The following AKT3 variants were observed in gnomAD, a reference collection of about 807,000 sequenced individuals.
AKT3 encodes the protein RAC-gamma serine/threonine-protein kinase.
Under a neutral mutation model 65.3 loss-of-function variants are expected in AKT3, and 15 were observed. The observed-to-expected ratio is 0.23, with a 90% confidence interval of 0.15 to 0.35. AKT3 has a LOEUF of 0.35. AKT3 is among the 10% of genes least tolerant of loss of function. The pLI is 1.00. For missense variants in AKT3, 243 were observed against 576.5 expected (o/e 0.42, Z 5.92); for synonymous variants, 206 against 183.8 (o/e 1.12, Z -0.98).
chr1:243,648,607 A>AC (rs1461170388), intron 4 of AKT3, among the ~76,000 whole-genome samples: 1 of 151,898 alleles, frequency 6.6e-6, no homozygotes, highest in Non-Finnish European at 1.5e-5. Context: ...GTTGAGAAGT[A>AC]CTCCCTTCTC....
chr1:243,490,190 G>C (rs992256693), intron 13 of AKT3, among the ~76,000 whole-genome samples: 1 of 152,220 alleles, frequency 6.6e-6, no homozygotes, highest in Non-Finnish European at 1.5e-5. Context: ...TTCCCACTCG[G>C]TCCAAAATCC....
At chr1:243,696,114 G>C (rs1204039596) in intron 2 of AKT3, among the ~76,000 whole-genome samples, 1 of 150,074 alleles carries the variant, frequency 6.7e-6, no homozygotes, top group East Asian at 1.9e-4. Context: ...AGAGAGGCAA[G>C]AAATAGATGT....
intron 2 of AKT3, among the ~76,000 whole-genome samples, chr1:243,835,759 T>C (rs1185443669): frequency 6.6e-6 from 1 of 152,156 alleles, no homozygotes; most frequent in Non-Finnish European, 1.5e-5. Flanking sequence ...TGCATACTGT[T>C]AGTGGAATAT....
At chr1:243,650,851 T>C (rs544140692) in intron 4 of AKT3, among the ~76,000 whole-genome samples, 3 of 152,310 alleles carry the variant, frequency 2.0e-5, no homozygotes, top group Non-Finnish European at 4.4e-5. Context: ...CCTCCAGCTT[T>C]GTTCTTTTTG....
Position 243,620,442 on chromosome 1 carries a change from T to TAAAG in AKT3, c.562-5282_562-5281insCTTT, listed in dbSNP as rs1233897136. Among the ~76,000 whole-genome samples the TAAAG allele has an allele frequency of 1.7e-3, 263 of 150,998 alleles. 102 individuals carry two copies. The highest frequency in any genetic ancestry group is 2.6e-3 in the Non-Finnish European group (173 of 67,510). Reference sequence around the variant, plus strand: ...CCTGATGAGTAGTGATATGACACACTTTTACAAATTAAACAATGATTACCA... The same window carrying TAAAG: ...CCTGATGAGTAGTGATATGACACACTAAAGTTTACAAATTAAACAATGATTACCA... On this transcript the variant is annotated intron_variant, in intron 6 of 13. Coordinates refer to ENST00000673466, the MANE Select transcript of AKT3 (RefSeq NM_005465.7).
chr1:243,698,790 T>C (rs993742279), intron 2 of AKT3, among the ~76,000 whole-genome samples: 2 of 152,010 alleles, frequency 1.3e-5, no homozygotes, highest in Non-Finnish European at 2.9e-5. Context: ...CAGAAGTAGA[T>C]CTCAAACTTC....
At chr1:243,700,710 G>C (rs866301390) in intron 2 of AKT3, among the ~76,000 whole-genome samples, 1 of 152,008 alleles carries the variant, frequency 6.6e-6, no homozygotes, top group Non-Finnish European at 1.5e-5. Flanking sequence ...CACCATGTTG[G>C]CCAGGATGGT....
At chr1:243,736,628 T>C (rs1302663005) in intron 2 of AKT3, among the ~76,000 whole-genome samples, 1 of 152,106 alleles carries the variant, frequency 6.6e-6, no homozygotes, top group East Asian at 1.9e-4. Flanking sequence ...ATGAAGTGAA[T>C]GGTATTATAC....
rs1684633480 is a variant in AKT3 at position 243,690,692 on chromosome 1, A to T, written c.172+4899T>A. Among the ~76,000 whole-genome samples the T allele has an allele frequency of 2.9e-5, 4 of 139,418 alleles. No homozygotes were observed. In the South Asian group the frequency reaches 8.7e-4, roughly 30 times the overall value. 91.5% of individuals were successfully genotyped at this position (139,418 alleles called of 152,430 possible). ...AGTGCTGGAAATGGGGCCCCAAATC[A>T]GGTCTCATCACCATAAATCTAGGGG... On this transcript the variant is annotated intron_variant, in intron 3 of 13. Transcript: ENST00000673466.
chr1:243,747,969 C>T (rs146174713), intron 2 of AKT3, among the ~76,000 whole-genome samples: 22 of 152,280 alleles, frequency 1.4e-4, no homozygotes, highest in African/African-American at 4.8e-4. Flanking sequence ...GCTTTTTCAA[C>T]CATAATGACC....
intron 2 of AKT3, among the ~76,000 whole-genome samples, chr1:243,774,456 T>C (rs1406180684): frequency 1.3e-5 from 2 of 152,222 alleles, no homozygotes; most frequent in East Asian, 1.9e-4. Context: ...TTTATGTTCA[T>C]GTTAATCAGA....
chr1:243,748,891 G>A (rs749542831), intron 2 of AKT3, among the ~76,000 whole-genome samples: 8 of 152,050 alleles, frequency 5.3e-5, no homozygotes, highest in Non-Finnish European at 1.2e-4. Context: ...ACATCTAGTG[G>A]CAACTCCATT....
intron 2 of AKT3, chr1:243,793,386 C>T (rs530057886): frequency 1.1e-4 from 16 of 152,116 alleles, no homozygotes; most frequent in Admixed American, 5.9e-4. Context: ...CCGTGCGTAA[C>T]TCAAAATTTT....
chr1:243,529,392 G>C (rs963112089), intron 12 of AKT3, among the ~76,000 whole-genome samples: 6 of 151,902 alleles, frequency 3.9e-5, no homozygotes, highest in African/African-American at 1.5e-4. Flanking sequence ...GTATTTCCTA[G>C]GTTATCTTAT....
chr1:243,629,619 C>T (rs1572058682), intron 6 of AKT3, among the ~76,000 whole-genome samples: 1 of 152,056 alleles, frequency 6.6e-6, no homozygotes, highest in South Asian at 2.1e-4. Flanking sequence ...GGTGAAACCC[C>T]GTCTCTACTA....
At chr1:243,667,762 G>A (rs755385385) in intron 3 of AKT3, among the ~76,000 whole-genome samples, 4 of 152,116 alleles carry the variant, frequency 2.6e-5, no homozygotes, top group African/African-American at 9.7e-5. Flanking sequence ...GGTGTCCTAC[G>A]TGATCTGACC....
rs982601660 is a variant in AKT3 at position 243,515,513 on chromosome 1, G to A, written c.1252-3087C>T. ...ATCATTTGATATAATCATTTCCTTC[G>A]TACTCTGTTAATAGGTGAACTATAG... On this transcript the variant is annotated intron_variant, in intron 12 of 13. Coordinates refer to ENST00000673466, the MANE Select transcript of AKT3 (RefSeq NM_005465.7). Among the ~76,000 whole-genome samples the A allele has an allele frequency of 6.1e-4, 92 of 151,300 alleles. 1 individual carries two copies. The highest frequency in any genetic ancestry group is 2.0e-3 in the African/African-American group (83 of 41,168).
chr1:243,555,282 A>G (rs1475934671), intron 10 of AKT3, among the ~76,000 whole-genome samples: 1 of 152,180 alleles, frequency 6.6e-6, no homozygotes, highest in Non-Finnish European at 1.5e-5. Flanking sequence ...AATTAGAAAG[A>G]TTTTTGTCCA....
chr1:243,818,940 C>T (rs1250847088), intron 2 of AKT3, among the ~76,000 whole-genome samples: 4 of 152,228 alleles, frequency 2.6e-5, no homozygotes, highest in Non-Finnish European at 5.9e-5. Context: ...CTCCCACCCT[C>T]AGCCAAGGGA....
Sources: allele counts gnomAD v4.1 joint callset (sites outside exome capture counted in the v4.1 genomes callset), GRCh38; gene constraint gnomAD v4.1.1; transcripts MANE v1.5; gene names NCBI Gene and HGNC (gene_info 2026-07-23, HGNC 2026-07-21).